RALGAPA2: variants seen among roughly 807,000 people sequenced by gnomAD.
RALGAPA2 encodes ral GTPase-activating protein subunit alpha-2.
In RALGAPA2, 139 loss-of-function variants were observed where a neutral mutation model predicts 230.4. The observed-to-expected ratio is 0.60, with a 90% CI of 0.53 to 0.69. The LOEUF (loss-of-function observed/expected upper bound fraction) is 0.69. RALGAPA2 is among the 30% of genes least tolerant of loss of function. RALGAPA2 has a pLI of 0.00. For synonymous variants in RALGAPA2, 847 were observed against 837.8 expected (o/e 1.01, Z -0.19); for missense variants, 2,163 against 2,276.0 (o/e 0.95, Z 1.01).
At chr20:20,579,753 T>A (rs900863595) in intron 20 of RALGAPA2, among the ~76,000 whole-genome samples, 1 of 152,188 alleles carries the variant, frequency 6.6e-6, no homozygotes. Context: ...TGGCGTGAGG[T>A]AGGAATTCTA....
At chr20:20,455,830 T>C (rs988243745) in intron 37 of RALGAPA2, among the ~76,000 whole-genome samples, 1 of 152,182 alleles carries the variant, frequency 6.6e-6, no homozygotes, top group Admixed American at 6.5e-5. Flanking sequence ...TCAAAAGATT[T>C]TGGGGGAGAC....
chr20:20,645,614 T>C (rs761461115), intron 4 of RALGAPA2, among the ~76,000 whole-genome samples: 2 of 152,170 alleles, frequency 1.3e-5, no homozygotes, highest in Non-Finnish European at 2.9e-5. Flanking sequence ...CTAATACATA[T>C]GTATTTGATC....
At chr20:20,571,818 C>T in intron 22 of RALGAPA2, 30 bp downstream of exon 22, 1 of 1,558,246 alleles carries the variant, frequency 6.4e-7, no homozygotes, top group South Asian at 1.1e-5. Context: ...GAGGAAATCG[C>T]AATAAAGGAA....
intron 3 of RALGAPA2, among the ~76,000 whole-genome samples, chr20:20,673,816 G>C (rs944111963): frequency 2.0e-5 from 3 of 152,120 alleles, no homozygotes; most frequent in Non-Finnish European, 2.9e-5. Context: ...CACAGGACCA[G>C]TCAAAAACAA....
intron 22 of RALGAPA2, 40 bp from the exon 23 acceptor site, chr20:20,571,653 G>C: frequency 4.4e-6 from 7 of 1,584,674 alleles, no homozygotes; most frequent in Non-Finnish European, 6.0e-6. Flanking sequence ...ATCAAGCCCA[G>C]GTGCAGAGTA....
chr20:20,641,882 A>C (rs2067041729), intron 5 of RALGAPA2, among the ~76,000 whole-genome samples: 1 of 151,780 alleles, frequency 6.6e-6, no homozygotes. Flanking sequence ...AAATAAATAA[A>C]AATATTCTGC....
At chr20:20,444,917 A>C (rs972619660) in intron 37 of RALGAPA2, among the ~76,000 whole-genome samples, 1 of 152,234 alleles carries the variant, frequency 6.6e-6, no homozygotes, top group Non-Finnish European at 1.5e-5. Flanking sequence ...TCCACGCCGC[A>C]TGCGCTGCCT....
chr20:20,557,129 G>A (rs979512843), intron 23 of RALGAPA2, among the ~76,000 whole-genome samples: 29 of 152,260 alleles, frequency 1.9e-4, no homozygotes, highest in African/African-American at 7.0e-4. Context: ...GGCCAAGATG[G>A]TGAAACCCCA....
intron 37 of RALGAPA2, among the ~76,000 whole-genome samples, chr20:20,418,230 C>A (rs535953170): frequency 2.0e-5 from 3 of 152,310 alleles, no homozygotes; most frequent in African/African-American, 4.8e-5. Context: ...AAGAGATAAA[C>A]CATGACTGGC....
At position 20,393,120 on chromosome 20, in the gene RALGAPA2, G is replaced by A; in HGVS notation, c.*169C>T. 1 of 1,360,166 alleles carries A rather than the reference G, an allele frequency of 7.4e-7. No individual in the cohort carries two copies. The highest frequency in any genetic ancestry group is 9.8e-7 in the Non-Finnish European group (1 of 1,019,140). The allele number at this position is 1,360,166 out of a possible 1,614,324, so 84.3% of individuals were successfully genotyped here. A position where few individuals can be genotyped will look rare whatever the true frequency, so the allele number is the denominator to read the frequency against. On this transcript the variant is annotated 3_prime_UTR_variant, in exon 40 of 40. Coordinates refer to ENST00000202677, the MANE Select transcript of RALGAPA2 (RefSeq NM_020343.4). ...TCCACTAATGGGAAGACCTGCTGAGGGCACTAGTACAGCAACGAAATTTCC... is the reference window on the plus strand; with the variant it reads ...TCCACTAATGGGAAGACCTGCTGAGAGCACTAGTACAGCAACGAAATTTCC...
intron 31 of RALGAPA2, among the ~76,000 whole-genome samples, chr20:20,516,385 C>G (rs180988882): frequency 2.6e-5 from 4 of 152,318 alleles, no homozygotes; most frequent in Non-Finnish European, 5.9e-5. Flanking sequence ...AGCTGGTGCT[C>G]TCTTGCAAGC....
At chr20:20,412,350 TA>T (rs1469027395) in intron 37 of RALGAPA2, among the ~76,000 whole-genome samples, 2 of 152,232 alleles carry the variant, frequency 1.3e-5, no homozygotes, top group Admixed American at 1.3e-4. Flanking sequence ...TCTTAGACTT[TA>T]ATTGCATTAA....
At chr20:20,568,587 C>A (rs2064524023) in intron 23 of RALGAPA2, among the ~76,000 whole-genome samples, 1 of 152,172 alleles carries the variant, frequency 6.6e-6, no homozygotes, top group East Asian at 1.9e-4. Context: ...TAAAAAATGT[C>A]TTCAATTACT....
chr20:20,601,212 G>A (rs540542637), intron 16 of RALGAPA2, among the ~76,000 whole-genome samples: 2 of 152,270 alleles, frequency 1.3e-5, no homozygotes, highest in East Asian at 3.9e-4. Flanking sequence ...ACTGAAATAC[G>A]CTGCAAAGAT....
At chr20:20,611,516 G>C in intron 13 of RALGAPA2, 90 bp from the exon 14 acceptor site, 1 of 1,496,636 alleles carries the variant, frequency 6.7e-7, no homozygotes, top group South Asian at 1.4e-5. Context: ...TAAGAATTCA[G>C]CAACATTGAT....
At chr20:20,476,149 G>A (rs777174256) in intron 36 of RALGAPA2, among the ~76,000 whole-genome samples, 1 of 152,074 alleles carries the variant, frequency 6.6e-6, no homozygotes, top group Non-Finnish European at 1.5e-5. Flanking sequence ...TGTCAATTCT[G>A]CTAACATTAA....
intron 13 of RALGAPA2, among the ~76,000 whole-genome samples, chr20:20,613,937 T>C (rs1298207749): frequency 1.3e-5 from 2 of 152,190 alleles, no homozygotes; most frequent in Non-Finnish European, 2.9e-5. Context: ...GTCTCTGAAA[T>C]TGTTTTCTAG....
In RALGAPA2 at chr20:20,683,780, C is replaced by T. The variant is rs75024781; in HGVS notation, c.107-2979G>A. On this transcript the variant is annotated intron_variant, in intron 1 of 39. Transcript: ENST00000202677. ...CAGGATACAGCACCGGTTCCCACAT[C>T]TCCTGCCTGAATCACCACATTTTCA... Among the ~76,000 whole-genome samples the T allele has an allele frequency of 8.5e-3, 1,290 of 152,316 alleles. 17 individuals carry two copies. The highest frequency in any genetic ancestry group is 0.03 in the African/African-American group (1,227 of 41,564).
intron 37 of RALGAPA2, among the ~76,000 whole-genome samples, chr20:20,452,301 C>G (rs2061004824): frequency 6.6e-6 from 1 of 152,196 alleles, no homozygotes. Context: ...CTTTGCAACT[C>G]AAGACGTTTT....
Sources: gnomAD v4.1 joint callset for allele counts (sites outside exome capture counted in the v4.1 genomes callset) on GRCh38, gnomAD v4.1.1 for gene constraint, MANE v1.5 for transcripts, NCBI Gene and HGNC (gene_info 2026-07-23, HGNC 2026-07-21) for gene names.